Variants in EDA observed in about 807,000 individuals in gnomAD.
The protein encoded by EDA is ectodysplasin-A.
Under a neutral mutation model 23.6 loss-of-function variants are expected in EDA, and 2 were observed. The ratio of observed to expected loss-of-function variants is 0.08; its 90% CI spans 0.03 to 0.27. EDA has a LOEUF of 0.27. EDA is among the 10% of genes least tolerant of loss of function. The pLI, the probability that EDA is intolerant of heterozygous loss-of-function variation, is 1.00. For missense variants in EDA, 229 were observed against 324.2 expected, an observed-to-expected ratio of 0.71 and a Z score of 2.26; for synonymous variants, 131 against 132.0, an observed-to-expected ratio of 0.99 and a Z score of 0.05.
chrX:69,993,577 C>T (rs894715655), intron 2 of EDA, among the ~76,000 whole-genome samples: 8 of 112,371 alleles, frequency 7.1e-5, no homozygotes, highest in Non-Finnish European at 1.3e-4. Context: ...TCAGGTCTGT[C>T]TGATTCAAAA....
chrX:70,028,016 C>G lies in EDA; in HGVS notation c.686C>G (p.Pro229Arg). 2 of 1,188,204 alleles carry G rather than the reference C, an allele frequency of 1.7e-6. No homozygotes were observed. Among genetic ancestry groups the G allele is most frequent in the Non-Finnish European group, 2.3e-6 (2 of 886,202 alleles). ...PPGPPGPQGP[P>R]GLQGPSGAAD... ...GGTCCTCCTGGTCCTCAAGGACCCC[C>G]TGGCCTCCAGGGACCTTCTGGTGAG... The change falls in exon 4 of 8, where the codon CCT (proline) becomes CGT (arginine). Residue 229 changes from proline to arginine, a missense_variant. Transcript: ENST00000374552.
intron 1 of EDA, among the ~76,000 whole-genome samples, chrX:69,825,311 G>A (rs777629011): frequency 0.07 from 7,024 of 100,102 alleles, 225 homozygotes; most frequent in Non-Finnish European, 0.083. Context: ...GAATTCGGCT[G>A]TGAATCCATC....
At chrX:69,978,318 T>TTAAAA (rs2019345823) in intron 2 of EDA, among the ~76,000 whole-genome samples, 1 of 20,420 alleles carries the variant, frequency 4.9e-5, no homozygotes, top group African/African-American at 1.3e-4. Context: ...ACTCCATCTC[T>TTAAAA]AAAAAAAAAA....
chrX:70,027,894 A>G lies in EDA; in HGVS notation c.564A>G (p.Pro188=). The G allele has an allele frequency of 9.1e-7, 1 of 1,095,397 alleles. No individual in the cohort carries two copies. The highest frequency in any genetic ancestry group is 3.2e-5 in the East Asian group (1 of 31,322). The allele number at this position is 1,095,397 out of a possible 1,213,427, so 90.3% of individuals were successfully genotyped here. The change falls in exon 4 of 8, where the codon CCA becomes CCG. Residue 188 remains proline, a synonymous_variant. Coordinates refer to ENST00000374552, the MANE Select transcript of EDA (RefSeq NM_001399.5). ...GACCTCCTGGACCCAATGGCCCTCC[A>G]GGACCCCCAGGACCTCCAGGACCCC... ...KAGPPGPNGP[P]GPPGPPGPQG...
Position 69,910,374 on chromosome X carries a change from A to AGAGAGAGTGTGTGTGT in EDA, c.397-46652_397-46651insAGAGAGTGTGTGTGTG, listed in dbSNP as rs1191245556. On this transcript the variant is annotated intron_variant, in intron 1 of 7. Transcript: ENST00000374552. The stretch of plus-strand genomic sequence containing the variant: ...AGGAGAGAGAGAGAGAGAGAGAGAG[A>AGAGAGAGTGTGTGTGT]GTGTGTGTGTGTGTGTGTGTGTGTG... 3.4e-4 allele frequency among the ~76,000 whole-genome samples: 14 copies of AGAGAGAGTGTGTGTGT among 41,754 alleles called. No homozygotes were observed. In the East Asian group the frequency reaches 5.2e-3, roughly 15 times the overall value. 36.3% of individuals were successfully genotyped at this position (41,754 alleles called of 115,157 possible). A position where few individuals can be genotyped will look rare whatever the true frequency, so the allele number is the denominator to read the frequency against.
intron 1 of EDA, among the ~76,000 whole-genome samples, chrX:69,786,829 C>T (rs1440764402): frequency 2.1e-5 from 2 of 93,906 alleles, no homozygotes; most frequent in Non-Finnish European, 4.3e-5. Context: ...GAGCTGAGTT[C>T]AATTCCTCGG....
At chrX:69,792,709 C>T (rs771547077) in intron 1 of EDA, among the ~76,000 whole-genome samples, 5 of 111,966 alleles carry the variant, frequency 4.5e-5, no homozygotes, top group Non-Finnish European at 9.4e-5. Context: ...ATTTGCATTT[C>T]CCGGATAATT....
chrX:69,905,494 G>A (rs746324721), intron 1 of EDA, among the ~76,000 whole-genome samples: 1 of 110,275 alleles, frequency 9.1e-6, no homozygotes, highest in East Asian at 2.9e-4. Flanking sequence ...TTTTCTACTG[G>A]TTATTTCTTG....
chrX:69,675,797 G>A (rs768648823), intron 1 of EDA, among the ~76,000 whole-genome samples: 12 of 111,114 alleles, frequency 1.1e-4, no homozygotes, highest in Non-Finnish European at 2.1e-4. Context: ...GTTATATGGA[G>A]AAAAATTAGG....
At chrX:70,011,097 G>C (rs769607115) in intron 2 of EDA, among the ~76,000 whole-genome samples, 1 of 110,804 alleles carries the variant, frequency 9.0e-6, no homozygotes, top group Non-Finnish European at 1.9e-5. Context: ...TTTTAATTAA[G>C]CATTTTATAT....
intron 2 of EDA, among the ~76,000 whole-genome samples, chrX:70,019,959 T>C (rs1186412757): frequency 8.9e-6 from 1 of 111,876 alleles, no homozygotes; most frequent in Non-Finnish European, 1.9e-5. Flanking sequence ...ATGGGCATTT[T>C]AGGGAAAAAA....
At chrX:69,692,096 C>T (rs931013583) in intron 1 of EDA, among the ~76,000 whole-genome samples, 34 of 111,085 alleles carry the variant, frequency 3.1e-4, no homozygotes, top group Non-Finnish European at 4.3e-4. Context: ...TGTATGAACT[C>T]GGTATTTGGC....
At chrX:69,862,683 A>G (rs2017405195) in intron 1 of EDA, among the ~76,000 whole-genome samples, 1 of 111,164 alleles carries the variant, frequency 9.0e-6, no homozygotes, top group African/African-American at 3.3e-5. Flanking sequence ...GGCCTGAGCA[A>G]ACCCCTCTCC....
At chrX:70,017,023 C>T (rs188376054) in intron 2 of EDA, among the ~76,000 whole-genome samples, 113 of 107,716 alleles carry the variant, frequency 1.0e-3, no homozygotes, top group African/African-American at 3.6e-3. Context: ...ACAAAAGGGG[C>T]ATTACCATCA....
chrX:69,698,292 G>A (rs1234470860), intron 1 of EDA, among the ~76,000 whole-genome samples: 2 of 111,496 alleles, frequency 1.8e-5, no homozygotes, highest in East Asian at 5.6e-4. Flanking sequence ...ACCCTGGTGC[G>A]ACGGATCCAG....
chrX:70,002,437 G>A (rs1051001383), intron 2 of EDA, among the ~76,000 whole-genome samples: 8 of 111,385 alleles, frequency 7.2e-5, no homozygotes, highest in South Asian at 3.8e-4. Context: ...TCTAACTGAC[G>A]TTCTGCAGCA....
intron 1 of EDA, among the ~76,000 whole-genome samples, chrX:69,624,666 A>G (rs1467246566): frequency 3.6e-5 from 4 of 110,381 alleles, no homozygotes; most frequent in Admixed American, 9.6e-5. Context: ...TCCTTTTAGT[A>G]TTTATGCCTT....
chrX:69,912,265 G>A (rs1278821473), intron 1 of EDA, among the ~76,000 whole-genome samples: 1 of 111,537 alleles, frequency 9.0e-6, no homozygotes, highest in Non-Finnish European at 1.9e-5. Flanking sequence ...ACCCCTCAAA[G>A]TCATCAATGA....
intron 2 of EDA, among the ~76,000 whole-genome samples, chrX:70,011,696 C>A (rs2147488800): frequency 8.9e-6 from 1 of 111,913 alleles, no homozygotes; most frequent in Non-Finnish European, 1.9e-5. Flanking sequence ...CACCGAAGAA[C>A]TTCTGTTAAC....
Sources: allele counts gnomAD v4.1 joint callset (sites outside exome capture counted in the v4.1 genomes callset), GRCh38; gene constraint gnomAD v4.1.1; transcripts MANE v1.5; gene names NCBI Gene and HGNC (gene_info 2026-07-23, HGNC 2026-07-21).